COL4A3: variants seen among roughly 807,000 people sequenced by gnomAD.
The protein encoded by COL4A3 is collagen alpha-3(IV) chain.
A neutral mutation model predicts 217.4 loss-of-function variants in COL4A3; 135 were observed. The observed-to-expected ratio is 0.62, with a 90% CI of 0.54 to 0.72. The LOEUF is 0.72. Ranked by LOEUF, COL4A3 falls within the 30% of genes least tolerant of loss-of-function variation. The pLI is 0.00. For missense variants in COL4A3, 1,868 were observed against 2,119.9 expected (o/e 0.88, Z 2.33); for synonymous variants, 690 against 736.3 (o/e 0.94, Z 1.02).
chr2:227,170,046 A>C (rs914878972), intron 1 of COL4A3, among the ~76,000 whole-genome samples: 2 of 152,266 alleles, frequency 1.3e-5, no homozygotes, highest in Admixed American at 6.5e-5. Flanking sequence ...TGCATGTCAA[A>C]GGTCCATCAA....
In COL4A3 at chr2:227,164,753, G is replaced by A. The variant is rs918717650; in HGVS notation, c.27G>A (p.Pro9=). MSARTAPR[P]QVLLLPLLLV... Reference sequence around the variant, plus strand: ...TGAGCGCCCGGACCGCCCCCAGGCCGCAGGTGCTCCTGCTGCCGCTCCTGC... The same window carrying A: ...TGAGCGCCCGGACCGCCCCCAGGCCACAGGTGCTCCTGCTGCCGCTCCTGC... Residue 9 remains proline (P), a synonymous_variant, in exon 1 of 52, where the codon CCG becomes CCA. Transcript: ENST00000396578. The surrounding 1 kb of genome is among the most constrained non-coding windows in gnomAD (Gnocchi z 4.8). 8 of 1,525,998 alleles carry A rather than the reference G, an allele frequency of 5.2e-6. No homozygotes were observed. In the African/African-American group the frequency reaches 8.4e-5, roughly 16 times the overall value. 94.5% of individuals were successfully genotyped at this position (1,525,998 alleles called of 1,614,324 possible).
At position 227,263,766 on chromosome 2, in the gene COL4A3, T is replaced by C; in HGVS notation, c.1151-14T>C. The C allele has an allele frequency of 1.2e-6, 2 of 1,610,050 alleles. No homozygotes were observed. The highest frequency in any genetic ancestry group is 1.7e-6 in the Non-Finnish European group (2 of 1,177,756). On this transcript the variant is annotated splice_polypyrimidine_tract_variant and intron_variant, in intron 20 of 51. Coordinates refer to ENST00000396578, the MANE Select transcript of COL4A3 (RefSeq NM_000091.5). ...AAAAAATGTAAAATACAAGAAATGA[T>C]TATTTTCTCCAAGGATCATCAAGGC...
intron 1 of COL4A3, among the ~76,000 whole-genome samples, chr2:227,186,309 T>G (rs1490160416): frequency 6.6e-6 from 1 of 152,174 alleles, no homozygotes; most frequent in Non-Finnish European, 1.5e-5. Context: ...TGTGATGGTG[T>G]GATAATGATG....
intron 24 of COL4A3, among the ~76,000 whole-genome samples, chr2:227,270,292 T>C (rs1574746684): frequency 6.6e-6 from 1 of 152,224 alleles, no homozygotes; most frequent in Admixed American, 6.5e-5. Flanking sequence ...GTGATTGTGG[T>C]GATTGTGGCA....
At chr2:227,236,216 A>G (rs1334404943) in intron 1 of COL4A3, among the ~76,000 whole-genome samples, 1 of 152,238 alleles carries the variant, frequency 6.6e-6, no homozygotes, top group Non-Finnish European at 1.5e-5. Flanking sequence ...TGAGTGTGCA[A>G]GTGTATTTTT....
intron 1 of COL4A3, among the ~76,000 whole-genome samples, chr2:227,202,860 TAC>T (rs1370368839): frequency 0.025 from 615 of 24,804 alleles, 173 homozygotes; most frequent in Non-Finnish European, 0.031. Flanking sequence ...TGTGTATATA[TAC>T]ATATATGTGT....
rs534350976 is a variant in COL4A3, at chr2:227,171,623, C to G, written c.87+6810C>G. ...AAACAGGCACTTACTTCTCACAGTT[C>G]TGGAGGCTGGAAAGTCCAAGATCAG... On this transcript the variant is annotated intron_variant, in intron 1 of 51. Transcript: ENST00000396578. Among the ~76,000 whole-genome samples, 8 of 152,282 alleles carry G rather than the reference C, an allele frequency of 5.3e-5. No individual in the cohort carries two copies. In the East Asian group the frequency reaches 5.8e-4, roughly 11 times the overall value.
intron 9 of COL4A3, among the ~76,000 whole-genome samples, chr2:227,249,230 A>ATATATATATATATATATATATATATATTT: frequency 6.8e-5 from 1 of 14,692 alleles, no homozygotes; most frequent in Non-Finnish European, 1.2e-4. Context: ...ATATATATAT[A>ATATATATATATATATATATATATATATTT]TTTTTTTTTT....
intron 1 of COL4A3, among the ~76,000 whole-genome samples, chr2:227,169,971 T>C (rs2065418111): frequency 6.6e-6 from 1 of 152,178 alleles, no homozygotes; most frequent in Non-Finnish European, 1.5e-5. Context: ...TCCCTATTAT[T>C]ATTATTCTTT....
chr2:227,292,925 G>T (rs1007646247), intron 37 of COL4A3, among the ~76,000 whole-genome samples: 1 of 151,972 alleles, frequency 6.6e-6, no homozygotes, highest in African/African-American at 2.4e-5. Context: ...GCTAAGAAGG[G>T]CCTCCACACT....
intron 51 of COL4A3, among the ~76,000 whole-genome samples, chr2:227,311,199 T>C (rs1466102997): frequency 6.6e-6 from 1 of 152,218 alleles, no homozygotes; most frequent in Non-Finnish European, 1.5e-5. Context: ...ATGTGGATAA[T>C]TTAAAGGGTG....
At chr2:227,255,559 G>A (rs1250565104) in intron 15 of COL4A3, among the ~76,000 whole-genome samples, 1 of 152,186 alleles carries the variant, frequency 6.6e-6, no homozygotes, top group Non-Finnish European at 1.5e-5. Flanking sequence ...ACTGCCGGTT[G>A]AGATACCACA....
At chr2:227,292,831 T>C (rs2072826552) in intron 37 of COL4A3, among the ~76,000 whole-genome samples, 1 of 152,202 alleles carries the variant, frequency 6.6e-6, no homozygotes, top group Non-Finnish European at 1.5e-5. Context: ...ACTGTGTATG[T>C]CATAAATCTA....
At chr2:227,199,628 T>C (rs1048738658) in intron 1 of COL4A3, among the ~76,000 whole-genome samples, 1 of 152,198 alleles carries the variant, frequency 6.6e-6, no homozygotes, top group African/African-American at 2.4e-5. Flanking sequence ...TGTTTCTGCA[T>C]TGTCGTCCAT....
intron 3 of COL4A3, among the ~76,000 whole-genome samples, chr2:227,243,237 A>T (rs777800314): frequency 2.0e-5 from 3 of 152,226 alleles, no homozygotes; most frequent in African/African-American, 4.8e-5. Context: ...CCTGAGTACC[A>T]TGTTGTCATA....
At chr2:227,283,724 C>T in intron 32 of COL4A3, 43 bp from the exon 33 acceptor site, 2 of 1,547,160 alleles carry the variant, frequency 1.3e-6, no homozygotes, top group Non-Finnish European at 1.8e-6. Context: ...GCTTTTCTCA[C>T]TCTGTACAAC....
intron 43 of COL4A3, among the ~76,000 whole-genome samples, chr2:227,300,341 T>C (rs1050189674): frequency 1.3e-5 from 2 of 151,836 alleles, no homozygotes; most frequent in African/African-American, 4.9e-5. Flanking sequence ...GCTACTAAGT[T>C]TTCTCCATTA....
intron 19 of COL4A3, 55 bp downstream of exon 19, chr2:227,259,932 C>A (rs762940096): frequency 1.2e-5 from 16 of 1,293,608 alleles, no homozygotes; most frequent in Non-Finnish European, 2.3e-6. Flanking sequence ...GGCTTTCTTT[C>A]AAGGTAATAA....
intron 1 of COL4A3, among the ~76,000 whole-genome samples, chr2:227,171,839 G>T (rs1322679526): frequency 1.3e-5 from 2 of 152,314 alleles, no homozygotes; most frequent in East Asian, 3.9e-4. Context: ...ACACTTGGAA[G>T]AGGGCCAAGC....
Sources: gnomAD v4.1 joint callset for allele counts (sites outside exome capture counted in the v4.1 genomes callset) on GRCh38, gnomAD v4.1.1 for gene constraint, Gnocchi (gnomAD v3.1) non-coding constraint, MANE v1.5 for transcripts, NCBI Gene and HGNC (gene_info 2026-07-23, HGNC 2026-07-21) for gene names.